Variants in PPARGC1A observed in about 807,000 individuals in gnomAD.
PPARGC1A encodes PPARG coactivator 1 alpha.
PPARGC1A carries 25 observed loss-of-function variants against 88.7 expected under a neutral mutation model. That is an observed-to-expected ratio of 0.28 (90% CI 0.21 to 0.39). The LOEUF is 0.39. Ranked by LOEUF, PPARGC1A falls within the 10% of genes least tolerant of loss-of-function variation. The pLI, the probability that PPARGC1A is intolerant of heterozygous loss-of-function variation, is 1.00. For missense variants in PPARGC1A, 880 were observed against 968.7 expected (o/e 0.91, Z 1.22); for synonymous variants, 363 against 355.6 (o/e 1.02, Z -0.24).
intron 2 of PPARGC1A, among the ~76,000 whole-genome samples, chr4:23,847,135 A>G (rs1031625891): frequency 1.3e-5 from 2 of 152,188 alleles, no homozygotes; most frequent in Non-Finnish European, 2.9e-5. Context: ...AGATTCTAAT[A>G]GAAGCCAGGA....
the PPARGC1A span, among the ~76,000 whole-genome samples, chr4:24,112,348 T>C: frequency 6.6e-6 from 1 of 152,204 alleles, no homozygotes; most frequent in Non-Finnish European, 1.5e-5. Flanking sequence ...ATTTTTCTAT[T>C]TTTTACAGAA....
At chr4:24,020,793 G>A in the PPARGC1A span, among the ~76,000 whole-genome samples, 1 of 152,122 alleles carries the variant, frequency 6.6e-6, no homozygotes, top group Non-Finnish European at 1.5e-5. Context: ...ATGAGCACAG[G>A]GGCATCTGGA....
chr4:23,972,816 G>C, the PPARGC1A span, among the ~76,000 whole-genome samples: 6 of 152,244 alleles, frequency 3.9e-5, no homozygotes, highest in East Asian at 1.2e-3. Flanking sequence ...AAAACGGTAA[G>C]ATATTAACAT....
the PPARGC1A span, among the ~76,000 whole-genome samples, chr4:24,322,357 C>T: frequency 3.5e-3 from 531 of 152,336 alleles, no homozygotes; most frequent in Non-Finnish European, 6.3e-3. Flanking sequence ...GTTGTAGCTT[C>T]GCTACAATGG....
chr4:24,048,936 A>G, the PPARGC1A span, among the ~76,000 whole-genome samples: 1 of 152,142 alleles, frequency 6.6e-6, no homozygotes, highest in Non-Finnish European at 1.5e-5. Flanking sequence ...CAGTTTCTTT[A>G]CATGTAAAAT....
the PPARGC1A span, among the ~76,000 whole-genome samples, chr4:24,294,371 C>T: frequency 3.9e-5 from 6 of 152,096 alleles, no homozygotes; most frequent in Non-Finnish European, 7.4e-5. Flanking sequence ...TACAGTTCCT[C>T]CGTGGAAGGC....
At chr4:24,398,550 C>T in the PPARGC1A span, among the ~76,000 whole-genome samples, 1 of 152,146 alleles carries the variant, frequency 6.6e-6, no homozygotes, top group African/African-American at 2.4e-5. Flanking sequence ...TTTCATTGAA[C>T]ATTCTAAATT....
the PPARGC1A span, among the ~76,000 whole-genome samples, chr4:24,062,455 T>C: frequency 6.6e-6 from 1 of 152,292 alleles, no homozygotes; most frequent in African/African-American, 2.4e-5. Context: ...CAAGTAGAAT[T>C]TCCCTAACAT....
At chr4:24,037,886 C>T in the PPARGC1A span, among the ~76,000 whole-genome samples, 1 of 152,172 alleles carries the variant, frequency 6.6e-6, no homozygotes, top group Non-Finnish European at 1.5e-5. Flanking sequence ...ATCCCATACC[C>T]ACCAGAGCTT....
intron 2 of PPARGC1A, among the ~76,000 whole-genome samples, chr4:23,845,851 A>G (rs530819912): frequency 6.6e-6 from 1 of 152,322 alleles, no homozygotes; most frequent in Admixed American, 6.5e-5. Context: ...GCAATCTCCT[A>G]GGATTTAGAT....
At chr4:23,950,671 T>A in the PPARGC1A span, among the ~76,000 whole-genome samples, 1 of 152,150 alleles carries the variant, frequency 6.6e-6, no homozygotes, top group South Asian at 2.1e-4. Flanking sequence ...AAGGATCCTG[T>A]GTGACAATGG....
chr4:24,429,164 G>T, the PPARGC1A span, among the ~76,000 whole-genome samples: 1 of 152,188 alleles, frequency 6.6e-6, no homozygotes, highest in Non-Finnish European at 1.5e-5. Context: ...TCAGACGTGA[G>T]CTGTGTGCGT....
In PPARGC1A at chr4:23,814,242, T is replaced by G; in HGVS notation, c.1241A>C (p.Asp414Ala). ...LQDSRQLENK[D>A]VSSDWQGQIC... ...CTGCCCCTGCCAATCAGAGGAGACATCTTTATTTTCTAGTTGTCTAGAGTC... is the reference window on the plus strand; with the variant it reads ...CTGCCCCTGCCAATCAGAGGAGACAGCTTTATTTTCTAGTTGTCTAGAGTC... The change falls in exon 8 of 13, where the codon GAT (aspartate) becomes GCT (alanine). Residue 414 changes from aspartate (D) to alanine (A), a missense_variant. Asp to Ala is a moderately radical substitution (Grantham distance 126). Transcript: ENST00000264867. 1 of 1,613,998 alleles carries G rather than the reference T, an allele frequency of 6.2e-7. No individual in the cohort carries two copies. Among genetic ancestry groups the G allele is most frequent in the Non-Finnish European group, 8.5e-7 (1 of 1,179,952 alleles).
At chr4:24,196,607 A>C in the PPARGC1A span, among the ~76,000 whole-genome samples, 1 of 152,228 alleles carries the variant, frequency 6.6e-6, no homozygotes, top group Non-Finnish European at 1.5e-5. Context: ...GAACAGTGAC[A>C]GGCAGGTGCT....
At chr4:24,134,986 T>C in the PPARGC1A span, among the ~76,000 whole-genome samples, 1 of 152,212 alleles carries the variant, frequency 6.6e-6, no homozygotes, top group Non-Finnish European at 1.5e-5. Flanking sequence ...TGCACTGCTT[T>C]GATTCTCCAC....
the PPARGC1A span, among the ~76,000 whole-genome samples, chr4:23,974,951 G>A: frequency 2.0e-5 from 3 of 151,304 alleles, no homozygotes; most frequent in South Asian, 2.1e-4. Flanking sequence ...AACCACACCC[G>A]GCTCCAGTGT....
chr4:24,054,412 A>T, the PPARGC1A span, among the ~76,000 whole-genome samples: 2 of 152,110 alleles, frequency 1.3e-5, no homozygotes, highest in African/African-American at 4.8e-5. Flanking sequence ...CTAAAAAAGG[A>T]AAGTATTTTG....
At chr4:24,467,030 G>GAA in the PPARGC1A span, among the ~76,000 whole-genome samples, 356 of 74,424 alleles carry the variant, frequency 4.8e-3, 3 homozygotes, top group Non-Finnish European at 6.3e-3. Flanking sequence ...AAGAAAGAAA[G>GAA]AGAAAGAGAG....
At chr4:24,136,044 G>A in the PPARGC1A span, among the ~76,000 whole-genome samples, 7 of 152,156 alleles carry the variant, frequency 4.6e-5, no homozygotes, top group African/African-American at 1.7e-4. Flanking sequence ...GGCAGGCACG[G>A]TTCCCTTGGG....
Sources: gnomAD v4.1 joint callset for allele counts (sites outside exome capture counted in the v4.1 genomes callset) on GRCh38, gnomAD v4.1.1 for gene constraint, MANE v1.5 for transcripts, NCBI Gene and HGNC (gene_info 2026-07-23, HGNC 2026-07-21) for gene names.